Variants in PALD1 observed in about 807,000 individuals in gnomAD.
The protein encoded by PALD1 is paladin.
In PALD1, 57 loss-of-function variants were observed where a neutral mutation model predicts 96.0. The observed-to-expected ratio is 0.59, with a 90% CI of 0.48 to 0.74. PALD1 has a LOEUF of 0.74. Ranked by LOEUF, PALD1 falls within the 30% of genes least tolerant of loss-of-function variation. The probability of loss-of-function intolerance (pLI) is 0.00; values close to 1 mark genes in which losing one functional copy is unlikely to be tolerated. For synonymous variants in PALD1, 464 were observed against 473.6 expected (o/e 0.98, Z 0.26); for missense variants, 1,063 against 1,143.7 (o/e 0.93, Z 1.02).
Position 70,539,122 on chromosome 10 carries a change from G to A in PALD1, c.1600G>A (p.Asp534Asn). Residue 534 changes from aspartate to asparagine, a missense_variant, in exon 14 of 20, where the codon GAC becomes AAC. Transcript: ENST00000263563. The surrounding 1 kb of genome is among the most constrained non-coding windows in gnomAD (Gnocchi z 4.5). ...ALGSILAYLT[D>N]AKRRLRKVVW... ...GGGGAGCATCCTGGCCTACCTGACG[G>A]ACGCCAAGAGGAGGCTGCGGAAGGT... The A allele has an allele frequency of 1.2e-6, 2 of 1,613,938 alleles. No homozygotes were observed. Among genetic ancestry groups the A allele is most frequent in the Non-Finnish European group, 1.7e-6 (2 of 1,179,930 alleles).
At chr10:70,462,456 G>A in the PALD1 span, among the ~76,000 whole-genome samples, 1 of 152,238 alleles carries the variant, frequency 6.6e-6, no homozygotes, top group African/African-American at 2.4e-5. Context: ...TGCCTGGCAT[G>A]TAATCAATGC....
At chr10:70,508,516 C>T (rs1846439892) in intron 1 of PALD1, among the ~76,000 whole-genome samples, 1 of 152,156 alleles carries the variant, frequency 6.6e-6, no homozygotes, top group Non-Finnish European at 1.5e-5. Flanking sequence ...TAGAATCTGC[C>T]TCCTCAGAAG....
rs1847229368 is a variant in PALD1, at chr10:70,540,950, C to G, written c.1909-152C>G. Reference sequence around the variant, plus strand: ...TTTACACGCACATGGTCTCATGCACCCCGGTGAGTTTTGTTTGTGTGTGCA... The same window carrying G: ...TTTACACGCACATGGTCTCATGCACGCCGGTGAGTTTTGTTTGTGTGTGCA... On this transcript the variant is annotated intron_variant, in intron 15 of 19. Transcript: ENST00000263563. This position sits in a 1 kb window ranked among gnomAD's most constrained non-coding sequence, Gnocchi z 4.2. 3 of 765,526 alleles carry G rather than the reference C, an allele frequency of 3.9e-6. No homozygotes were observed. In the Admixed American group the frequency reaches 7.9e-5, roughly 20 times the overall value. The allele number at this position is 765,526 out of a possible 1,614,324, so 47.4% of individuals were successfully genotyped here. A position where few individuals can be genotyped will look rare whatever the true frequency, so the allele number is the denominator to read the frequency against.
chr10:70,474,492 C>T (rs774474030), upstream of PALD1, among the ~76,000 whole-genome samples: 19 of 152,212 alleles, frequency 1.2e-4, no homozygotes, highest in East Asian at 3.9e-4. Flanking sequence ...ATCCAGGAGG[C>T]GGAGGCAGCA....
intron 18 of PALD1, among the ~76,000 whole-genome samples, chr10:70,554,474 A>G (rs143873706): frequency 1.3e-5 from 2 of 152,292 alleles, no homozygotes; most frequent in African/African-American, 4.8e-5. Context: ...GGAAAAAAGA[A>G]AGAAAACCCA....
chr10:70,547,523 T>C (rs1033675519), intron 18 of PALD1, 77 bp downstream of exon 18: 3 of 1,122,494 alleles, frequency 2.7e-6, no homozygotes, highest in African/African-American at 3.1e-5. Context: ...GTGGCTGATG[T>C]GGCTTTGGGG....
chr10:70,564,126 G>A (rs778196072), intron 18 of PALD1, among the ~76,000 whole-genome samples: 16 of 152,108 alleles, frequency 1.1e-4, no homozygotes, highest in Non-Finnish European at 2.1e-4. Context: ...ATTCCATGGC[G>A]AGGAGAGGGA....
In PALD1 at chr10:70,529,257, C is replaced by T. The variant is rs760568110; in HGVS notation, c.214C>T (p.His72Tyr). 8.5e-7 allele frequency: 1 copy of T among 1,173,296 alleles called. No homozygotes were observed. Among genetic ancestry groups the T allele is most frequent in the Non-Finnish European group, 1.2e-6 (1 of 850,598 alleles). 72.7% of individuals were successfully genotyped at this position (1,173,296 alleles called of 1,614,324 possible). A position where few individuals can be genotyped will look rare whatever the true frequency, so the allele number is the denominator to read the frequency against. Residue 72 changes from histidine to tyrosine, a missense_variant, in exon 3 of 20, where the codon CAT becomes TAT. Transcript: ENST00000263563. The part of the protein sequence containing the change: ...TYNCKEEFQI[H>Y]DELLKAHYTL... ...CAACTGCAAGGAGGAGTTCCAGATC[C>T]ATGATGAGCTGCTCAAGGCTCATTA... is the stretch of plus-strand genomic sequence containing the variant.
rs988990781 is a variant in PALD1 at position 70,540,118 on chromosome 10, TATAG to T, written c.1908+357_1908+360del. On this transcript the variant is annotated intron_variant, in intron 15 of 19. Coordinates refer to ENST00000263563, the MANE Select transcript of PALD1 (RefSeq NM_014431.3). The surrounding 1 kb of genome is among the most constrained non-coding windows in gnomAD (Gnocchi z 4.2). Reference sequence around the variant, plus strand: ...TGTGTATTGTGTTATGGGTGTGTGTTATAGGTGTGTGTGTGTTATCGGGGTGTGT... The same window carrying T: ...TGTGTATTGTGTTATGGGTGTGTGTTGTGTGTGTGTGTTATCGGGGTGTGT... Among the ~76,000 whole-genome samples, 34 of 151,812 alleles carry T rather than the reference TATAG, an allele frequency of 2.2e-4. No individual in the cohort carries two copies. The highest frequency in any genetic ancestry group is 8.0e-4 in the African/African-American group (33 of 41,418).
chr10:70,561,897 T>C (rs929532883), intron 18 of PALD1, among the ~76,000 whole-genome samples: 1 of 152,212 alleles, frequency 6.6e-6, no homozygotes, highest in Non-Finnish European at 1.5e-5. Context: ...CCCCTCTTCC[T>C]TGAGCCTGCA....
the PALD1 span, among the ~76,000 whole-genome samples, chr10:70,463,678 C>A: frequency 2.3e-4 from 35 of 151,938 alleles, no homozygotes; most frequent in Middle Eastern, 3.4e-3. Flanking sequence ...GCAAAAAAAA[C>A]CAGGAAAACA....
At chr10:70,468,312 C>T in the PALD1 span, among the ~76,000 whole-genome samples, 108 of 151,266 alleles carry the variant, frequency 7.1e-4, no homozygotes, top group African/African-American at 2.2e-3. Flanking sequence ...GGCGCGATCT[C>T]GGCTCACTGC....
At chr10:70,465,807 G>A in the PALD1 span, among the ~76,000 whole-genome samples, 2 of 152,158 alleles carry the variant, frequency 1.3e-5, no homozygotes, top group African/African-American at 2.4e-5. Flanking sequence ...TCAGGATGGA[G>A]GACAGCAGGG....
At chr10:70,493,493 C>T (rs899728262) in intron 1 of PALD1, among the ~76,000 whole-genome samples, 3 of 152,178 alleles carry the variant, frequency 2.0e-5, no homozygotes, top group Non-Finnish European at 4.4e-5. Context: ...CCACAATGGC[C>T]TGTGTGAGCC....
At chr10:70,522,958 C>G (rs1846768730) in intron 1 of PALD1, among the ~76,000 whole-genome samples, 1 of 152,208 alleles carries the variant, frequency 6.6e-6, no homozygotes, top group Non-Finnish European at 1.5e-5. Context: ...GAGGAAGGCC[C>G]CACGCTGGTG....
At chr10:70,490,613 G>A (rs1334165523) in intron 1 of PALD1, among the ~76,000 whole-genome samples, 7 of 152,172 alleles carry the variant, frequency 4.6e-5, no homozygotes, top group African/African-American at 1.4e-4. Context: ...AAACCAGAAA[G>A]CCAACTCATT....
chr10:70,501,427 G>A (rs1846291825), intron 1 of PALD1, among the ~76,000 whole-genome samples: 1 of 152,220 alleles, frequency 6.6e-6, no homozygotes, highest in South Asian at 2.1e-4. Context: ...GCAGGAGAGC[G>A]AGGCTCAGAG....
chr10:70,465,268 C>T, the PALD1 span, among the ~76,000 whole-genome samples: 3 of 152,320 alleles, frequency 2.0e-5, no homozygotes, highest in East Asian at 5.8e-4. Context: ...GCCACCGCAC[C>T]CGGCCTCTAC....
chr10:70,524,734 T>C (rs1022808753), intron 1 of PALD1, among the ~76,000 whole-genome samples: 10 of 152,224 alleles, frequency 6.6e-5, no homozygotes, highest in African/African-American at 2.2e-4. Flanking sequence ...ATATTTTTAA[T>C]GGCTGTTTAA....
Sources: allele counts gnomAD v4.1 joint callset (sites outside exome capture counted in the v4.1 genomes callset), GRCh38; gene constraint gnomAD v4.1.1; non-coding constraint Gnocchi (gnomAD v3.1); transcripts MANE v1.5; gene names NCBI Gene and HGNC (gene_info 2026-07-23, HGNC 2026-07-21).